The following TET3 variants were observed in gnomAD, a reference collection of about 807,000 sequenced individuals.
TET3 encodes the protein methylcytosine dioxygenase TET3.
TET3 carries 19 observed loss-of-function variants against 141.4 expected under a neutral mutation model. The observed-to-expected ratio is 0.13, with a 90% confidence interval of 0.09 to 0.20. TET3 has a LOEUF of 0.20. Ranked by LOEUF, TET3 falls within the 10% of genes least tolerant of loss-of-function variation. The probability of loss-of-function intolerance (pLI) is 1.00; values close to 1 mark genes in which losing one functional copy is unlikely to be tolerated. For missense variants in TET3, 1,874 were observed against 2,356.9 expected (o/e 0.80, Z 4.24); for synonymous variants, 1,043 against 980.9 (o/e 1.06, Z -1.18).
intron 8 of TET3, among the ~76,000 whole-genome samples, chr2:74,090,325 T>G (rs1452708097): frequency 6.6e-6 from 1 of 152,198 alleles, no homozygotes; most frequent in Non-Finnish European, 1.5e-5. Flanking sequence ...AAGATACATA[T>G]TCAAATCGCT....
In TET3 at chr2:74,073,646, G is replaced by A. The variant is rs1183510107; in HGVS notation, c.2585+7G>A. ...GGGAACTCATGGAGGAGCGGTGAGT[G>A]ATACACAGATGTCCAAGGAGAAATG... On this transcript the variant is annotated splice_region_variant and intron_variant, in intron 5 of 11. Coordinates refer to ENST00000409262, the MANE Select transcript of TET3 (RefSeq NM_001287491.2). 3.7e-6 allele frequency: 6 copies of A among 1,601,158 alleles called. No individual in the cohort carries two copies. The highest frequency in any genetic ancestry group is 4.3e-6 in the Non-Finnish European group (5 of 1,173,628).
chr2:73,989,574 AAAG>A (rs983050157), intron 2 of TET3, among the ~76,000 whole-genome samples: 2 of 152,126 alleles, frequency 1.3e-5, no homozygotes, highest in Admixed American at 1.3e-4. Context: ...ATCCCTCAGA[AAAG>A]AAGTTCAGCA....
Position 74,102,371 on chromosome 2 carries a change from T to G in TET3, c.*195T>G. 13 of 756,138 alleles carry G rather than the reference T, an allele frequency of 1.7e-5. No homozygotes were observed. The highest frequency in any genetic ancestry group is 3.8e-5 in the East Asian group (1 of 26,264). 46.8% of individuals were successfully genotyped at this position (756,138 alleles called of 1,614,324 possible). On this transcript the variant is annotated 3_prime_UTR_variant, in exon 12 of 12. Transcript: ENST00000409262. ...TGACCCGCCCCTCCCTTACCCCCAC[T>G]TCCCCAGCACTTTGAAGAAGAAACT...
rs1390350764 is a variant in TET3 at position 74,104,261 on chromosome 2, G to C, written c.*2085G>C. 1 of 151,966 alleles carries C rather than the reference G, an allele frequency of 6.6e-6. No individual in the cohort carries two copies. Among genetic ancestry groups the C allele is most frequent in the Admixed American group, 6.6e-5 (1 of 15,254 alleles). 9.4% of individuals were successfully genotyped at this position (151,966 alleles called of 1,614,324 possible). A position where few individuals can be genotyped will look rare whatever the true frequency, so the allele number is the denominator to read the frequency against. ...CTGTAAAGTTGCATTTATTTTACAGGACAAAAAAATGAAATATTATTGCTT... is the reference window on the plus strand; with the variant it reads ...CTGTAAAGTTGCATTTATTTTACAGCACAAAAAAATGAAATATTATTGCTT... On this transcript the variant is annotated 3_prime_UTR_variant, in exon 12 of 12. Coordinates refer to ENST00000409262, the MANE Select transcript of TET3 (RefSeq NM_001287491.2).
At chr2:74,019,768 T>C (rs994181785) in intron 3 of TET3, among the ~76,000 whole-genome samples, 15 of 152,100 alleles carry the variant, frequency 9.9e-5, no homozygotes, top group African/African-American at 3.6e-4. Context: ...ACCCTCCTTG[T>C]CCCCGCAGGA....
intron 3 of TET3, among the ~76,000 whole-genome samples, chr2:74,032,325 C>T (rs1686738551): frequency 6.9e-6 from 1 of 145,946 alleles, no homozygotes; most frequent in African/African-American, 2.6e-5. Flanking sequence ...TAGATCTGTG[C>T]TGTTGGGTGG....
intron 4 of TET3, among the ~76,000 whole-genome samples, chr2:74,063,692 T>C (rs1391200075): frequency 6.6e-6 from 1 of 152,172 alleles, no homozygotes; most frequent in African/African-American, 2.4e-5. Context: ...GTTACAGTTA[T>C]GCAAGATGCG....
At chr2:74,120,579 A>C in the TET3 span, 10 of 152,500 alleles carry the variant, frequency 6.6e-5, no homozygotes, top group African/African-American at 2.4e-4. Flanking sequence ...AGGGACCGGA[A>C]GGAGGAGCGG....
At position 74,092,918 on chromosome 2, in the gene TET3, A is replaced by G; in HGVS notation, c.3056A>G (p.Lys1019Arg). The G allele has an allele frequency of 6.3e-7, 1 of 1,590,206 alleles. No homozygotes were observed. The highest frequency in any genetic ancestry group is 8.6e-7 in the Non-Finnish European group (1 of 1,168,414). Residue 1019 changes from lysine (K) to arginine (R), a missense_variant, in exon 9 of 12, where the codon AAG becomes AGG. Physicochemically the swap from Lys to Arg is conservative, Grantham distance 26 (BLOSUM62 2). This residue lies in a region of TET3 where 126 missense variants were observed against 327.4 expected (regional missense o/e 0.38). Coordinates refer to ENST00000409262, the MANE Select transcript of TET3 (RefSeq NM_001287491.2). ...DNPKEEEVLR[K>R]SFQDLATEVA... ...TCTCTGCAGGAAGAAGTGCTCCGGA[A>G]GAGTTTCCAGGACCTGGCCACCGAA...
At chr2:74,063,903 A>AAAT (rs1356180681) in intron 4 of TET3, among the ~76,000 whole-genome samples, 12 of 152,016 alleles carry the variant, frequency 7.9e-5, no homozygotes, top group African/African-American at 2.9e-4. Flanking sequence ...CAAAAAAAAA[A>AAAT]AAAAAATAAG....
chr2:74,040,299 G>C (rs767492461), intron 3 of TET3, among the ~76,000 whole-genome samples: 2 of 152,078 alleles, frequency 1.3e-5, no homozygotes, highest in African/African-American at 2.4e-5. Flanking sequence ...GTTGCTTAAA[G>C]GACCGACTGT....
At chr2:74,077,814 C>T (rs889600475) in intron 5 of TET3, among the ~76,000 whole-genome samples, 4 of 152,308 alleles carry the variant, frequency 2.6e-5, no homozygotes, top group Admixed American at 2.0e-4. Flanking sequence ...TCCGTCTCAG[C>T]GAGAGGAGTG....
intron 4 of TET3, among the ~76,000 whole-genome samples, chr2:74,060,731 C>G (rs1297040835): frequency 1.3e-5 from 2 of 152,114 alleles, no homozygotes; most frequent in Admixed American, 6.5e-5. Flanking sequence ...TGACTCTTAG[C>G]GAGCATGCTG....
At chr2:74,054,758 G>A (rs1394925761) in intron 4 of TET3, among the ~76,000 whole-genome samples, 1 of 152,210 alleles carries the variant, frequency 6.6e-6, no homozygotes, top group African/African-American at 2.4e-5. Context: ...GGTCGGGAGG[G>A]CTAACAGCAT....
the TET3 span, among the ~76,000 whole-genome samples, chr2:74,113,690 C>T: frequency 6.6e-6 from 1 of 151,918 alleles, no homozygotes; most frequent in Non-Finnish European, 1.5e-5. Flanking sequence ...AAAGCAATCC[C>T]ATTTACAGTA....
In TET3 at chr2:74,100,886, G is replaced by A. The variant is rs896815037; in HGVS notation, c.4098G>A (p.Glu1366=). ...HQQPAYPGPK[E]YLLPKAPLLH... is the part of the protein sequence containing the mutation. ...AGCCTGCGTACCCAGGCCCCAAGGA[G>A]TATCTGCTTCCCAAGGCCCCCCTAC... The change falls in exon 12 of 12, where the codon GAG becomes GAA. Residue 1366 remains glutamate (E), a synonymous_variant. Transcript: ENST00000409262. 1.6e-5 allele frequency: 26 copies of A among 1,610,366 alleles called. No individual in the cohort carries two copies. The highest frequency in any genetic ancestry group is 2.1e-5 in the Non-Finnish European group (25 of 1,178,504).
At chr2:74,035,201 C>CAAAAAA (rs35642768) in intron 3 of TET3, among the ~76,000 whole-genome samples, 1 of 65,460 alleles carries the variant, frequency 1.5e-5, no homozygotes. Context: ...GACTCCGTCT[C>CAAAAAA]AAAAAAAAAA....
chr2:74,087,026 T>C lies in TET3; in HGVS notation c.2680-804T>C, dbSNP rs922122020. Among the ~76,000 whole-genome samples the C allele has an allele frequency of 2.6e-5, 4 of 152,152 alleles. No individual in the cohort carries two copies. Among genetic ancestry groups the C allele is most frequent in the Non-Finnish European group, 5.9e-5 (4 of 68,036 alleles). ...AGCTCTAATCTACTTTCTGTCTCTC[T>C]GAATGGAACTGTTCTGGGTGTCTCA... On this transcript the variant is annotated intron_variant, in intron 6 of 11. Transcript: ENST00000409262. This position sits in a 1 kb window ranked among gnomAD's most constrained non-coding sequence, Gnocchi z 4.3.
chr2:74,112,261 ATCTCCTTGGT>A (rs1691722146), downstream of TET3, among the ~76,000 whole-genome samples: 1 of 152,052 alleles, frequency 6.6e-6, no homozygotes, highest in Non-Finnish European at 1.5e-5. Context: ...TTATCTGATT[ATCTCCTTGGT>A]GCACCTCCCC....
Sources: gnomAD v4.1 joint callset for allele counts (sites outside exome capture counted in the v4.1 genomes callset) on GRCh38, gnomAD v4.1.1 for gene constraint, gnomAD v4.1.1 regional missense constraint, Gnocchi (gnomAD v3.1) non-coding constraint, MANE v1.5 for transcripts, NCBI Gene and HGNC (gene_info 2026-07-23, HGNC 2026-07-21) for gene names.